Variants in DSCAML1 observed in about 807,000 individuals in gnomAD.
The protein encoded by DSCAML1 is cell adhesion molecule DSCAML1.
Under a neutral mutation model 200.5 loss-of-function variants are expected in DSCAML1, and 38 were observed. The observed-to-expected ratio is 0.19, with a 90% CI of 0.15 to 0.25. The LOEUF is 0.25. DSCAML1 is among the 10% of genes least tolerant of loss of function. The pLI, the probability that DSCAML1 is intolerant of heterozygous loss-of-function variation, is 1.00. For missense variants in DSCAML1, 2,223 were observed against 2,858.8 expected (o/e 0.78, Z 5.07); for synonymous variants, 1,215 against 1,165.0 (o/e 1.04, Z -0.87).
Position 117,430,897 on chromosome 11 carries a change from A to G in DSCAML1, c.5511T>C (p.Ser1837=), listed in dbSNP as rs754484317. 6.2e-7 allele frequency: 1 copy of G among 1,614,172 alleles called. No individual in the cohort carries two copies. The highest frequency in any genetic ancestry group is 1.7e-5 in the Admixed American group (1 of 60,030). The change falls in exon 32 of 33, where the codon TCT becomes TCC. Residue 1837 remains serine, a synonymous_variant. Coordinates refer to ENST00000651296, the MANE Select transcript of DSCAML1 (RefSeq NM_020693.4). ...TGGTCATCTGGTCAGAGGAACTGTC[A>G]GAGATGAAGCACTCGGTGATCTCAA... The part of the protein sequence containing the change: ...AKFEITECFI[S]DSSSDQMTTG...
chr11:117,568,308 G>T (rs369522076), intron 3 of DSCAML1, among the ~76,000 whole-genome samples: 15 of 151,934 alleles, frequency 9.9e-5, no homozygotes, highest in Middle Eastern at 3.4e-3. Flanking sequence ...CTTTGAAAAC[G>T]GGCACAAGAC....
intron 3 of DSCAML1, among the ~76,000 whole-genome samples, chr11:117,595,295 AC>A (rs1174408121): frequency 6.6e-6 from 1 of 152,210 alleles, no homozygotes; most frequent in African/African-American, 2.4e-5. Flanking sequence ...AAAATAGAAT[AC>A]CAATTTGTTG....
chr11:117,568,791 C>G (rs1298231560), intron 3 of DSCAML1, among the ~76,000 whole-genome samples: 1 of 152,176 alleles, frequency 6.6e-6, no homozygotes, highest in Non-Finnish European at 1.5e-5. Context: ...AATGGCCATA[C>G]TGCCCAAGGT....
intron 3 of DSCAML1, among the ~76,000 whole-genome samples, chr11:117,745,905 G>A (rs2137853395): frequency 6.6e-6 from 1 of 152,236 alleles, no homozygotes; most frequent in East Asian, 1.9e-4. Flanking sequence ...ATTAACTTAG[G>A]TAAGGTGCTT....
intron 3 of DSCAML1, among the ~76,000 whole-genome samples, chr11:117,561,538 C>T (rs1265845051): frequency 6.6e-6 from 1 of 152,208 alleles, no homozygotes; most frequent in African/African-American, 2.4e-5. Flanking sequence ...TTGCCTTGCT[C>T]CATCCACCCA....
chr11:117,534,720 G>A (rs973798832), intron 3 of DSCAML1, among the ~76,000 whole-genome samples: 34 of 151,908 alleles, frequency 2.2e-4, no homozygotes, highest in African/African-American at 7.5e-4. Flanking sequence ...AGCGATCCTC[G>A]CACCCCAGCC....
chr11:117,630,359 C>T (rs890142074), intron 3 of DSCAML1, among the ~76,000 whole-genome samples: 3 of 152,152 alleles, frequency 2.0e-5, no homozygotes, highest in South Asian at 2.1e-4. Flanking sequence ...ACACAACACA[C>T]ATCTGCTCAG....
intron 1 of DSCAML1, among the ~76,000 whole-genome samples, chr11:117,806,957 C>T (rs1029623822): frequency 2.0e-5 from 3 of 152,202 alleles, no homozygotes; most frequent in African/African-American, 7.2e-5. Flanking sequence ...TCTTGTGTTA[C>T]ATAATTTCAT....
In DSCAML1 at chr11:117,437,477, G is replaced by C; in HGVS notation, c.4433-68C>G. On this transcript the variant is annotated intron_variant, in intron 25 of 32. Transcript: ENST00000651296. This position sits in a 1 kb window ranked among gnomAD's most constrained non-coding sequence, Gnocchi z 5.3. ...GGGAGGCAGGACTGGACTGGGCTGGGCTGGAAAGGATTTCCCTGGGGCAGC... is the reference window on the plus strand; with the variant it reads ...GGGAGGCAGGACTGGACTGGGCTGGCCTGGAAAGGATTTCCCTGGGGCAGC... 2 of 1,539,318 alleles carry C rather than the reference G, an allele frequency of 1.3e-6. No homozygotes were observed. The highest frequency in any genetic ancestry group is 2.5e-5 in the South Asian group (2 of 79,982).
intron 3 of DSCAML1, among the ~76,000 whole-genome samples, chr11:117,746,631 C>G (rs1186134376): frequency 6.6e-6 from 1 of 152,206 alleles, no homozygotes; most frequent in Non-Finnish European, 1.5e-5. Context: ...AGACCCCTAG[C>G]AGCTGCTGAC....
intron 3 of DSCAML1, among the ~76,000 whole-genome samples, chr11:117,697,773 CTTTTTT>C (rs571575861): frequency 3.6e-5 from 5 of 138,082 alleles, no homozygotes; most frequent in Non-Finnish European, 7.9e-5. Context: ...TCAAAATTTC[CTTTTTT>C]TTTTTTTTTT....
intron 1 of DSCAML1, among the ~76,000 whole-genome samples, chr11:117,784,985 T>A (rs985664327): frequency 6.6e-6 from 1 of 152,138 alleles, no homozygotes; most frequent in Non-Finnish European, 1.5e-5. Flanking sequence ...TCTGCAGAAT[T>A]CCAAGCCCTC....
chr11:117,751,395 CT>C (rs368589239), intron 3 of DSCAML1, among the ~76,000 whole-genome samples: 8,177 of 142,338 alleles, frequency 0.057, 636 homozygotes, highest in African/African-American at 0.18. Flanking sequence ...CACCTTTTTT[CT>C]TTTTTTTTTT....
intron 3 of DSCAML1, among the ~76,000 whole-genome samples, chr11:117,662,584 C>G (rs930752965): frequency 3.3e-5 from 5 of 152,174 alleles, no homozygotes; most frequent in Non-Finnish European, 7.3e-5. Flanking sequence ...GTCTTTGGCT[C>G]CAGGCAACAG....
intron 1 of DSCAML1, among the ~76,000 whole-genome samples, chr11:117,806,204 A>T (rs904444849): frequency 1.2e-4 from 18 of 152,246 alleles, no homozygotes; most frequent in African/African-American, 4.3e-4. Flanking sequence ...AAGTCTGTGA[A>T]GAGAGCTGCT....
At chr11:117,587,204 T>C (rs1013824060) in intron 3 of DSCAML1, among the ~76,000 whole-genome samples, 2 of 151,500 alleles carry the variant, frequency 1.3e-5, no homozygotes, top group African/African-American at 2.4e-5. Flanking sequence ...AGCTGATACA[T>C]GGACAACGAA....
intron 11 of DSCAML1, among the ~76,000 whole-genome samples, chr11:117,486,802 C>T (rs2049078470): frequency 6.9e-6 from 1 of 145,088 alleles, no homozygotes; most frequent in Non-Finnish European, 1.5e-5. Context: ...CCACATGGGG[C>T]TAATGGGCAC....
chr11:117,669,290 G>T (rs748233643), intron 3 of DSCAML1, among the ~76,000 whole-genome samples: 2 of 152,236 alleles, frequency 1.3e-5, no homozygotes, highest in African/African-American at 4.8e-5. Context: ...GCAGGCACCA[G>T]GGTGGGCAGA....
At chr11:117,802,461 A>T (rs551614592) in intron 1 of DSCAML1, among the ~76,000 whole-genome samples, 1 of 152,298 alleles carries the variant, frequency 6.6e-6, no homozygotes, top group African/African-American at 2.4e-5. Flanking sequence ...CTAGGGGTAC[A>T]CTCAGTAAGT....
Sources: gnomAD v4.1 joint callset for allele counts (sites outside exome capture counted in the v4.1 genomes callset) on GRCh38, gnomAD v4.1.1 for gene constraint, Gnocchi (gnomAD v3.1) non-coding constraint, MANE v1.5 for transcripts, NCBI Gene and HGNC (gene_info 2026-07-23, HGNC 2026-07-21) for gene names.